The following TIPIN variants were observed in gnomAD, a reference collection of about 807,000 sequenced individuals.
TIPIN encodes TIMELESS interacting protein, also known as TIMELESS-interacting protein.
In TIPIN, 29 loss-of-function variants were observed where a neutral mutation model predicts 35.6. The ratio of observed to expected loss-of-function variants is 0.82; its 90% CI spans 0.61 to 1.11. The LOEUF is 1.11. TIPIN is among the 50% of genes most tolerant of loss of function. TIPIN has a pLI of 0.00. For missense variants in TIPIN, 296 were observed against 345.4 expected (o/e 0.86, Z 1.13); for synonymous variants, 102 against 121.5 (o/e 0.84, Z 1.06).
intron 1 of TIPIN, among the ~76,000 whole-genome samples, chr15:66,365,748 T>G (rs2093251455): frequency 1.3e-5 from 2 of 152,176 alleles, no homozygotes; most frequent in Admixed American, 6.6e-5. Flanking sequence ...GGTTTCACCC[T>G]GTTGGTCAGG....
chr15:66,362,487 G>A (rs2093235863), intron 1 of TIPIN, among the ~76,000 whole-genome samples: 2 of 151,936 alleles, frequency 1.3e-5, no homozygotes, highest in African/African-American at 4.8e-5. Flanking sequence ...TTGGGAGGCC[G>A]AGGCTGGCAG....
intron 1 of TIPIN, among the ~76,000 whole-genome samples, chr15:66,365,544 GTTTT>G (rs904647103): frequency 6.6e-6 from 1 of 151,646 alleles, no homozygotes; most frequent in Non-Finnish European, 1.5e-5. Context: ...TCTGCATATT[GTTTT>G]TTTTGTTTTT....
chr15:66,352,908 C>T lies in TIPIN; in HGVS notation c.40G>A (p.Asp14Asn), dbSNP rs775504121. ...GTTTCATCTTCTACATGCTCATAATCTGGTAGGTCAATCACGCCATTCTCC... is the reference window on the plus strand; with the variant it reads ...GTTTCATCTTCTACATGCTCATAATTTGGTAGGTCAATCACGCCATTCTCC... ...PQENGVIDLP[D>N]YEHVEDETFP... The change falls in exon 2 of 8, where the codon GAT (aspartate) becomes AAT (asparagine). Residue 14 changes from aspartate to asparagine, a missense_variant. Asp to Asn is a conservative substitution (Grantham distance 23). Transcript: ENST00000261881. 5 of 1,614,094 alleles carry T rather than the reference C, an allele frequency of 3.1e-6. No homozygotes were observed. Among genetic ancestry groups the T allele is most frequent in the Admixed American group, 3.3e-5 (2 of 60,004 alleles).
upstream of TIPIN, among the ~76,000 whole-genome samples, chr15:66,360,822 C>G (rs1336261328): frequency 6.6e-6 from 1 of 152,092 alleles, no homozygotes; most frequent in Non-Finnish European, 1.5e-5. Context: ...CAAAATTAGC[C>G]CATCGTGGTG....
intron 6 of TIPIN, among the ~76,000 whole-genome samples, chr15:66,343,580 C>T (rs62627317): frequency 0.069 from 10,525 of 152,192 alleles, 1,204 homozygotes; most frequent in African/African-American, 0.24. Flanking sequence ...AACGAAAAGC[C>T]ACTTTTCCTT....
At chr15:66,349,548 T>C (rs2093152870) in intron 4 of TIPIN, 111 bp from the exon 5 acceptor site, 4 of 1,390,558 alleles carry the variant, frequency 2.9e-6, no homozygotes, top group African/African-American at 2.9e-5. Flanking sequence ...TCATTTTATA[T>C]TTATAAGGTT....
intron 1 of TIPIN, among the ~76,000 whole-genome samples, chr15:66,363,718 C>T (rs1412678036): frequency 6.6e-6 from 1 of 150,930 alleles, no homozygotes; most frequent in East Asian, 2.0e-4. Flanking sequence ...TGCGGTGGCT[C>T]ACGCCCATAA....
Position 66,341,340 on chromosome 15 carries a change from A to T in TIPIN, c.492T>A (p.Asn164Lys), listed in dbSNP as rs760674828. ...CAGTAGAAGTGACATCATGTTCATT[A>T]TTCTCCGCAACTTCATCTGCAATAG... ...FVSNNDEVAE[N>K]NEHDVTSTEL... is the part of the protein sequence containing the mutation. Residue 164 changes from asparagine (N) to lysine (K), a missense_variant, in exon 7 of 8, where the codon AAT becomes AAA. Transcript: ENST00000261881. 27 of 1,612,720 alleles carry T rather than the reference A, an allele frequency of 1.7e-5. No individual in the cohort carries two copies. Among genetic ancestry groups the T allele is most frequent in the Non-Finnish European group, 2.2e-5 (26 of 1,179,456 alleles).
chr15:66,369,538 C>T (rs983674311), intron 1 of TIPIN, among the ~76,000 whole-genome samples: 3 of 151,486 alleles, frequency 2.0e-5, no homozygotes, highest in African/African-American at 4.8e-5. Flanking sequence ...TTAGTAGAGA[C>T]GGGGTTTCAC....
In TIPIN at chr15:66,336,893, A is replaced by G. The variant is rs972058403; in HGVS notation, c.*65T>C. 4 of 1,424,944 alleles carry G rather than the reference A, an allele frequency of 2.8e-6. No homozygotes were observed. The African/African-American group carries it at 4.3e-5, about 15-fold the overall frequency. 88.3% of individuals were successfully genotyped at this position (1,424,944 alleles called of 1,614,324 possible). A position where few individuals can be genotyped will look rare whatever the true frequency, so the allele number is the denominator to read the frequency against. Reference sequence around the variant, plus strand: ...AAGGATTTTCACTCCAAGAAGAAAAAATACATAGTAACGCCAAGCTTGCAG... The same window carrying G: ...AAGGATTTTCACTCCAAGAAGAAAAGATACATAGTAACGCCAAGCTTGCAG... On this transcript the variant is annotated 3_prime_UTR_variant, in exon 8 of 8. Coordinates refer to ENST00000261881, the MANE Select transcript of TIPIN (RefSeq NM_017858.3).
At chr15:66,356,527 T>G in intron 1 of TIPIN, 112 bp downstream of exon 1, 16 of 809,546 alleles carry the variant, frequency 2.0e-5, no homozygotes, top group South Asian at 5.6e-5. Flanking sequence ...CCTGCGACAA[T>G]TAGGCTTTCC....
chr15:66,368,520 C>T (rs190287333), intron 1 of TIPIN, among the ~76,000 whole-genome samples: 1 of 151,952 alleles, frequency 6.6e-6, no homozygotes, highest in Non-Finnish European at 1.5e-5. Flanking sequence ...CAGAGTAAGA[C>T]CCTGTCTCAA....
At chr15:66,363,778 C>A (rs1015157066) in intron 1 of TIPIN, among the ~76,000 whole-genome samples, 1 of 151,894 alleles carries the variant, frequency 6.6e-6, no homozygotes, top group Non-Finnish European at 1.5e-5. Context: ...GTCAGGAGAT[C>A]GAGACCATCC....
At chr15:66,346,091 C>T (rs565483228) in intron 6 of TIPIN, among the ~76,000 whole-genome samples, 47 of 152,064 alleles carry the variant, frequency 3.1e-4, no homozygotes, top group African/African-American at 1.1e-3. Flanking sequence ...GGATTACAGG[C>T]ATGTGCCACT....
chr15:66,386,091 T>TA (rs1359828258), intron 1 of TIPIN, among the ~76,000 whole-genome samples: 2 of 151,920 alleles, frequency 1.3e-5, no homozygotes. Context: ...TTTAAGGCTT[T>TA]AAAAAAATAT....
intron 6 of TIPIN, among the ~76,000 whole-genome samples, chr15:66,343,301 TAAAA>T (rs1189157879): frequency 1.3e-5 from 2 of 152,126 alleles, no homozygotes; most frequent in Non-Finnish European, 2.9e-5. Flanking sequence ...ATTATGAAAT[TAAAA>T]GAAAGATAAA....
Position 66,373,231 on chromosome 15 carries a change from C to T in TIPIN, c.-9+13376G>A, listed in dbSNP as rs146881225. Among the ~76,000 whole-genome samples, 1,234 of 152,202 alleles carry T rather than the reference C, an allele frequency of 8.1e-3. 9 individuals are homozygous for T. Among genetic ancestry groups the T allele is most frequent in the Admixed American group, 0.013 (197 of 15,282 alleles). On this transcript the variant is annotated intron_variant, in intron 1 of 7. Coordinates refer to the TIPIN transcript ENST00000562124. ...AGTCATGGCCGGGCGCAGTGGCTCA[C>T]GCCTGTAATCCCAGCACTTTGGGAG...
At chr15:66,368,058 C>A (rs79894460) in intron 1 of TIPIN, among the ~76,000 whole-genome samples, 8 of 147,460 alleles carry the variant, frequency 5.4e-5, no homozygotes, top group Non-Finnish European at 6.0e-5. Context: ...GGTCTCGAAC[C>A]CCTGACCTTG....
chr15:66,363,710 C>T (rs931282025), intron 1 of TIPIN, among the ~76,000 whole-genome samples: 3 of 150,092 alleles, frequency 2.0e-5, no homozygotes, highest in South Asian at 2.1e-4. Context: ...CCGCTGGGTG[C>T]GGTGGCTCAC....
Sources: allele counts gnomAD v4.1 joint callset (sites outside exome capture counted in the v4.1 genomes callset), GRCh38; gene constraint gnomAD v4.1.1; transcripts MANE v1.5; gene names NCBI Gene and HGNC (gene_info 2026-07-23, HGNC 2026-07-21).